The following ANKRD12 variants were observed in gnomAD, a reference collection of about 807,000 sequenced individuals.
ANKRD12 encodes the protein ankyrin repeat domain 12.
In ANKRD12, 85 loss-of-function variants were observed where a neutral mutation model predicts 183.4. The ratio of observed to expected loss-of-function variants is 0.46; its 90% CI spans 0.39 to 0.56. The LOEUF is 0.56. ANKRD12 is among the 20% of genes least tolerant of loss of function. The probability of loss-of-function intolerance (pLI) is 0.00; values close to 1 mark genes in which losing one functional copy is unlikely to be tolerated. For missense variants in ANKRD12, 2,405 were observed against 2,357.1 expected (o/e 1.02, Z -0.42); for synonymous variants, 914 against 800.2 (o/e 1.14, Z -2.40).
chr18:9,201,932 G>T (rs1056072350), intron 3 of ANKRD12, among the ~76,000 whole-genome samples: 1 of 151,470 alleles, frequency 6.6e-6, no homozygotes, highest in African/African-American at 2.4e-5. Flanking sequence ...GGTTCAAGCA[G>T]TTCTCCTGTC....
At chr18:9,211,443 A>G in intron 5 of ANKRD12, 141 bp from the exon 6 acceptor site, 1 of 696,514 alleles carries the variant, frequency 1.4e-6, no homozygotes, top group Non-Finnish European at 2.4e-6. Context: ...TTAACGGATC[A>G]TCCAAGTCAA....
intron 7 of ANKRD12, among the ~76,000 whole-genome samples, chr18:9,217,469 A>G (rs765781392): frequency 6.6e-6 from 1 of 152,238 alleles, no homozygotes; most frequent in Non-Finnish European, 1.5e-5. Context: ...AAGATGGTCT[A>G]GAAGTATCAG....
chr18:9,247,757 A>G (rs2038047757), intron 8 of ANKRD12, among the ~76,000 whole-genome samples: 1 of 151,784 alleles, frequency 6.6e-6, no homozygotes, highest in Non-Finnish European at 1.5e-5. Flanking sequence ...GATTTTGAGT[A>G]TTGCATCTCC....
chr18:9,217,052 CTAAG>C (rs1174245970), intron 7 of ANKRD12, 152 bp downstream of exon 7: 14 of 722,382 alleles, frequency 1.9e-5, no homozygotes, highest in African/African-American at 5.5e-5. Flanking sequence ...CTTTTTTCTA[CTAAG>C]TATTAGTTCA....
At chr18:9,157,897 G>T (rs2030849180) in intron 1 of ANKRD12, among the ~76,000 whole-genome samples, 1 of 152,050 alleles carries the variant, frequency 6.6e-6, no homozygotes, top group South Asian at 2.1e-4. Context: ...AGTAGAAAAG[G>T]TTTTTAATCA....
intron 1 of ANKRD12, among the ~76,000 whole-genome samples, chr18:9,173,620 G>GA (rs2032962992): frequency 7.0e-6 from 1 of 142,794 alleles, no homozygotes; most frequent in Admixed American, 7.1e-5. Context: ...GGGTGGTGGG[G>GA]GGGGGGTAGG....
chr18:9,219,412 T>C (rs866715781), intron 7 of ANKRD12, among the ~76,000 whole-genome samples: 3 of 152,250 alleles, frequency 2.0e-5, no homozygotes, highest in African/African-American at 4.8e-5. Flanking sequence ...TAAGGGGCAG[T>C]TTCAAAGGAT....
chr18:9,258,374 A>C lies in ANKRD12; in HGVS notation c.5107A>C (p.Thr1703Pro). Residue 1703 changes from threonine (T) to proline (P), a missense_variant, in exon 9 of 13, where the codon ACT becomes CCT. Thr to Pro is a conservative substitution (Grantham distance 38, BLOSUM62 -1). Coordinates refer to ENST00000262126, the MANE Select transcript of ANKRD12 (RefSeq NM_015208.5). Reference sequence around the variant, plus strand: ...TCTGGAAAACCATTCACAGCAGTCAACTCAACCAGAAATGCATAAATATGG... The same window carrying C: ...TCTGGAAAACCATTCACAGCAGTCACCTCAACCAGAAATGCATAAATATGG... ...SSLENHSQQS[T>P]QPEMHKYGQL... 7 of 1,613,778 alleles carry C rather than the reference A, an allele frequency of 4.3e-6. No individual in the cohort carries two copies. The highest frequency in any genetic ancestry group is 1.7e-4 in the Middle Eastern group (1 of 6,058).
At chr18:9,268,762 T>G (rs1409799667) in intron 10 of ANKRD12, among the ~76,000 whole-genome samples, 1 of 152,156 alleles carries the variant, frequency 6.6e-6, no homozygotes, top group African/African-American at 2.4e-5. Context: ...GTGTTGGAAG[T>G]TGTGGCCAGG....
intron 6 of ANKRD12, among the ~76,000 whole-genome samples, chr18:9,216,012 T>C (rs1466825117): frequency 1.9e-5 from 2 of 104,862 alleles, no homozygotes; most frequent in Non-Finnish European, 4.0e-5. Context: ...AAGGCTGCTT[T>C]TACTTTTTTT....
At chr18:9,244,989 G>A (rs544720912) in intron 8 of ANKRD12, among the ~76,000 whole-genome samples, 8 of 152,112 alleles carry the variant, frequency 5.3e-5, no homozygotes, top group African/African-American at 1.9e-4. Context: ...TTTCTACCAT[G>A]AAGTTTTATA....
rs1277980053 is a variant in ANKRD12 at position 9,258,397 on chromosome 18, T to C, written c.5130T>C (p.Tyr1710=). The change falls in exon 9 of 13, where the codon TAT becomes TAC. Residue 1710 remains tyrosine (Y), a synonymous_variant. Coordinates refer to ENST00000262126, the MANE Select transcript of ANKRD12 (RefSeq NM_015208.5). ...CAACTCAACCAGAAATGCATAAATA[T>C]GGTCAGTTAGTTAAAGTAGAATTAG... is the stretch of plus-strand genomic sequence containing the variant. ...QQSTQPEMHK[Y]GQLVKVELEE... is the part of the protein sequence containing the mutation. The C allele has an allele frequency of 3.1e-6, 5 of 1,613,698 alleles. No individual in the cohort carries two copies. Among genetic ancestry groups the C allele is most frequent in the African/African-American group, 2.7e-5 (2 of 74,902 alleles).
chr18:9,158,583 C>T (rs2030944353), intron 1 of ANKRD12, among the ~76,000 whole-genome samples: 1 of 152,196 alleles, frequency 6.6e-6, no homozygotes, highest in Admixed American at 6.5e-5. Flanking sequence ...TTTATCACAT[C>T]TTATCAAGGG....
Position 9,136,894 on chromosome 18 carries a change from G to A in ANKRD12, c.-123G>A, listed in dbSNP as rs1156269009. On this transcript the variant is annotated 5_prime_UTR_variant, in exon 1 of 13. Transcript: ENST00000262126. ...TACAGGCGGCTGCAGCGGCGACGAA[G>A]ACAACGACAGCGACGGCTACGCCGA... 1 of 152,424 alleles carries A rather than the reference G, an allele frequency of 6.6e-6. No homozygotes were observed. The highest frequency in any genetic ancestry group is 1.5e-5 in the Non-Finnish European group (1 of 68,238). The allele number at this position is 152,424 out of a possible 1,614,324, so 9.4% of individuals were successfully genotyped here. A position where few individuals can be genotyped will look rare whatever the true frequency, so the allele number is the denominator to read the frequency against.
At position 9,192,419 on chromosome 18, in the gene ANKRD12, G is replaced by T. The variant is rs8093476; in HGVS notation, c.88-3132G>T. Among the ~76,000 whole-genome samples the T allele has an allele frequency of 9.2e-3, 1,398 of 152,210 alleles. 14 individuals carry two copies. Among genetic ancestry groups the T allele is most frequent in the African/African-American group, 0.024 (981 of 41,526 alleles). ...CCTGCTTGATTATAATATATTCTAA[G>T]AATTGAATTTGGCTTGATAGTCTGT... On this transcript the variant is annotated intron_variant, in intron 2 of 12. Coordinates refer to ENST00000262126, the MANE Select transcript of ANKRD12 (RefSeq NM_015208.5).
chr18:9,147,620 A>G (rs2078535947), intron 1 of ANKRD12, among the ~76,000 whole-genome samples: 1 of 152,164 alleles, frequency 6.6e-6, no homozygotes, highest in East Asian at 1.9e-4. Context: ...TCTGTTGCAC[A>G]TCGTATATAG....
At chr18:9,189,979 T>C (rs916254821) in intron 2 of ANKRD12, among the ~76,000 whole-genome samples, 1 of 152,240 alleles carries the variant, frequency 6.6e-6, no homozygotes, top group African/African-American at 2.4e-5. Flanking sequence ...TGTAAGGCTG[T>C]AGCTGCCATA....
intron 4 of ANKRD12, among the ~76,000 whole-genome samples, chr18:9,205,868 A>G (rs1339745478): frequency 2.6e-5 from 4 of 152,060 alleles, no homozygotes; most frequent in African/African-American, 7.2e-5. Context: ...AAGATGTTGT[A>G]TTCTTTAATT....
chr18:9,270,634 G>T (rs1388576983), intron 10 of ANKRD12, among the ~76,000 whole-genome samples: 1 of 152,164 alleles, frequency 6.6e-6, no homozygotes, highest in Non-Finnish European at 1.5e-5. Flanking sequence ...GGGAGGCGGG[G>T]AGGGATAGCA....
Sources: allele counts gnomAD v4.1 joint callset (sites outside exome capture counted in the v4.1 genomes callset), GRCh38; gene constraint gnomAD v4.1.1; transcripts MANE v1.5; gene names NCBI Gene and HGNC (gene_info 2026-07-23, HGNC 2026-07-21).